Variants in OR1F1 observed in about 807,000 individuals in gnomAD.
OR1F1 encodes the protein olfactory receptor 1F1.
For missense variants in OR1F1, 493 were observed against 376.3 expected (o/e 1.31, Z -2.57); for synonymous variants, 184 against 156.7 (o/e 1.17, Z -1.30).
chr16:3,196,873 T>C, the OR1F1 span, among the ~76,000 whole-genome samples: 1 of 150,936 alleles, frequency 6.6e-6, no homozygotes, highest in South Asian at 2.1e-4. Flanking sequence ...TTGTTGTTGT[T>C]GTTGTTTTGT....
chr16:3,188,497 T>C, the OR1F1 span: 42 of 152,284 alleles, frequency 2.8e-4, no homozygotes, highest in Non-Finnish European at 5.7e-4. Context: ...CTCCTCCGCT[T>C]AAAATTCCAG....
At chr16:3,199,787 G>A (rs1022896346), upstream of OR1F1, among the ~76,000 whole-genome samples, 2 of 152,052 alleles carry the variant, frequency 1.3e-5, no homozygotes, top group Admixed American at 6.6e-5. Context: ...AGGCCAAGGC[G>A]GGCGGATCGC....
At chr16:3,194,059 C>T in the OR1F1 span, among the ~76,000 whole-genome samples, 1 of 152,004 alleles carries the variant, frequency 6.6e-6, no homozygotes. Flanking sequence ...AGCATGGAGA[C>T]ACATAAGTAG....
At chr16:3,204,130 A>G, upstream of OR1F1, 2 of 716,684 alleles carry the variant, frequency 2.8e-6, no homozygotes, top group Non-Finnish European at 4.6e-6. Flanking sequence ...CAATATTATC[A>G]TTTACATCCT....
chr16:3,205,567 G>T (rs1958198114), downstream of OR1F1, among the ~76,000 whole-genome samples: 2 of 151,974 alleles, frequency 1.3e-5, no homozygotes, highest in African/African-American at 4.8e-5. Flanking sequence ...TGAACAGAGG[G>T]ACCAGCTGGA....
the OR1F1 span, chr16:3,188,627 G>A: frequency 1.3e-5 from 2 of 152,212 alleles, no homozygotes; most frequent in Admixed American, 6.5e-5. Context: ...CTGGCGGGGT[G>A]GGGGTCTCGG....
chr16:3,191,222 T>C, the OR1F1 span: 1 of 152,206 alleles, frequency 6.6e-6, no homozygotes, highest in Non-Finnish European at 1.5e-5. Context: ...GGGTATGTTT[T>C]TTCTCTTTCT....
the OR1F1 span, among the ~76,000 whole-genome samples, chr16:3,197,693 GGGAGAGGGAGAA>G: frequency 1.5e-5 from 2 of 137,324 alleles, no homozygotes; most frequent in African/African-American, 2.7e-5. Flanking sequence ...GAGAGGGAGA[GGGAGAGGGAGAA>G]GGAGAGGGAG....
chr16:3,196,935 G>T, the OR1F1 span, among the ~76,000 whole-genome samples: 1 of 151,820 alleles, frequency 6.6e-6, no homozygotes, highest in Non-Finnish European at 1.5e-5. Context: ...GGAGTGCAGT[G>T]GTGCAATCTC....
chr16:3,198,726 C>T, the OR1F1 span, among the ~76,000 whole-genome samples: 7 of 152,238 alleles, frequency 4.6e-5, no homozygotes, highest in East Asian at 1.9e-4. Flanking sequence ...CGGTGGCTCA[C>T]GCCTGGAATC....
the OR1F1 span, among the ~76,000 whole-genome samples, chr16:3,191,648 G>A: frequency 2.0e-5 from 3 of 152,212 alleles, no homozygotes; most frequent in East Asian, 5.8e-4. Context: ...GTGCCACATC[G>A]CGCTCTGTGA....
the OR1F1 span, among the ~76,000 whole-genome samples, chr16:3,191,541 T>G: frequency 6.6e-6 from 1 of 152,114 alleles, no homozygotes; most frequent in Non-Finnish European, 1.5e-5. Flanking sequence ...ACTCTTAATC[T>G]CAGGGTCGTG....
chr16:3,203,377 C>T (rs1242359875), upstream of OR1F1, among the ~76,000 whole-genome samples: 1 of 152,198 alleles, frequency 6.6e-6, no homozygotes. Context: ...ACGAGTCACC[C>T]TCCCTCAGAC....
At chr16:3,191,945 T>G in the OR1F1 span, among the ~76,000 whole-genome samples, 1 of 152,210 alleles carries the variant, frequency 6.6e-6, no homozygotes, top group Admixed American at 6.5e-5. Context: ...TCGCTCCAAG[T>G]ACTCCACGGC....
At chr16:3,205,521 G>A (rs184395112), downstream of OR1F1, among the ~76,000 whole-genome samples, 14 of 149,938 alleles carry the variant, frequency 9.3e-5, 1 homozygote, top group South Asian at 2.1e-4. Context: ...TCTCTATGTC[G>A]CCAGGCTGGA....
exon 1 of OR1F1, chr16:3,205,004 G>A (rs368111593): frequency 8.9e-5 from 144 of 1,613,988 alleles, no homozygotes; most frequent in Non-Finnish European, 1.2e-4. Context: ...CTCTTCTACA[G>A]CACCATCATT....
upstream of OR1F1, among the ~76,000 whole-genome samples, chr16:3,202,905 C>T (rs1007035105): frequency 6.6e-6 from 1 of 152,042 alleles, no homozygotes; most frequent in African/African-American, 2.4e-5. Context: ...TAAGGCTATA[C>T]AACTGGTAAT....
At chr16:3,204,845 T>G in exon 1 of OR1F1, 6 of 1,614,128 alleles carry the variant, frequency 3.7e-6, no homozygotes, top group Non-Finnish European at 4.2e-6. Flanking sequence ...GTCATAATCC[T>G]TAGTGAGGGT....
At chr16:3,192,411 C>G in the OR1F1 span, among the ~76,000 whole-genome samples, 2 of 152,196 alleles carry the variant, frequency 1.3e-5, no homozygotes, top group Non-Finnish European at 2.9e-5. Context: ...GACTCAACCC[C>G]TCGGTCCTGG....
Sources: gnomAD v4.1 joint callset for allele counts (sites outside exome capture counted in the v4.1 genomes callset) on GRCh38, gnomAD v4.1.1 for gene constraint, MANE v1.5 for transcripts, NCBI Gene and HGNC (gene_info 2026-07-23, HGNC 2026-07-21) for gene names.